The following TYR variants were observed in gnomAD, a reference collection of about 807,000 sequenced individuals.
TYR encodes tyrosinase, also known as LB24-AB.
In TYR, 58 loss-of-function variants were observed where a neutral mutation model predicts 51.5. The observed-to-expected ratio is 1.13, with a 90% confidence interval of 0.91 to 1.40. The LOEUF (loss-of-function observed/expected upper bound fraction) is 1.40, where lower values mean the gene tolerates loss of function less well. Among genes scored for constraint, TYR ranks in the 40% most tolerant of loss-of-function variants. TYR has a pLI of 0.00. For missense variants in TYR, 732 were observed against 647.4 expected, an observed-to-expected ratio of 1.13 and a Z score of -1.42; for synonymous variants, 263 against 235.2, an observed-to-expected ratio of 1.12 and a Z score of -1.08.
chr11:89,226,172 T>C (rs931143260), intron 2 of TYR, among the ~76,000 whole-genome samples: 5 of 152,132 alleles, frequency 3.3e-5, no homozygotes, highest in African/African-American at 1.2e-4. Flanking sequence ...CTCAGTGACA[T>C]GATTTATTGC....
At chr11:89,255,007 G>A (rs1987513) in intron 3 of TYR, among the ~76,000 whole-genome samples, 1,737 of 151,740 alleles carry the variant, frequency 0.011, 33 homozygotes, top group African/African-American at 0.039. Context: ...TTGATAGGTC[G>A]TGTCACTATT....
chr11:89,290,508 A>G lies in TYR; in HGVS notation c.1367-4635A>G, dbSNP rs186811806. 4.0e-3 allele frequency among the ~76,000 whole-genome samples: 616 copies of G among 152,146 alleles called. 6 individuals are homozygous for G. The highest frequency in any genetic ancestry group is 0.014 in the African/African-American group (588 of 41,544). On this transcript the variant is annotated intron_variant, in intron 4 of 4. Transcript: ENST00000263321. Reference sequence around the variant, plus strand: ...TTTGGACATTTTAAATGTACTATGTATTGAAGCCACTAACAGCAATTTAAG... The same window carrying G: ...TTTGGACATTTTAAATGTACTATGTGTTGAAGCCACTAACAGCAATTTAAG...
intron 3 of TYR, among the ~76,000 whole-genome samples, chr11:89,282,630 G>A (rs183920505): frequency 9.1e-4 from 138 of 151,844 alleles, no homozygotes; most frequent in South Asian, 2.3e-3. Context: ...AAAAGGACTA[G>A]TTTATAAAAT....
chr11:89,244,326 G>T (rs1944237305), intron 3 of TYR, among the ~76,000 whole-genome samples: 1 of 151,550 alleles, frequency 6.6e-6, no homozygotes, highest in African/African-American at 2.4e-5. Context: ...TTGAGCTCCA[G>T]GTCCTGCATT....
intron 3 of TYR, among the ~76,000 whole-genome samples, chr11:89,259,118 A>C (rs1379923032): frequency 1.3e-5 from 2 of 152,076 alleles, no homozygotes; most frequent in African/African-American, 4.8e-5. Flanking sequence ...TGGGTTGAGA[A>C]CCATTGCATT....
chr11:89,244,429 T>A (rs1486729555), intron 3 of TYR, among the ~76,000 whole-genome samples: 1 of 152,188 alleles, frequency 6.6e-6, no homozygotes, highest in Non-Finnish European at 1.5e-5. Context: ...GAGAACCATG[T>A]ATTCAATGGC....
intron 3 of TYR, among the ~76,000 whole-genome samples, chr11:89,228,922 C>T (rs11018542): frequency 0.08 from 12,177 of 152,044 alleles, 558 homozygotes; most frequent in South Asian, 0.15. Context: ...CTGACAAATG[C>T]TATGGAGTGT....
Position 89,233,601 on chromosome 11 carries a change from T to C in TYR, c.1184+5631T>C, listed in dbSNP as rs541839769. On this transcript the variant is annotated intron_variant, in intron 3 of 4. Transcript: ENST00000263321. ...AATAAGATTTGAAAGTCCAGATTACTCTCTGATCCATGGGCTGCAACATAG... is the reference window on the plus strand; with the variant it reads ...AATAAGATTTGAAAGTCCAGATTACCCTCTGATCCATGGGCTGCAACATAG... 4.9e-5 allele frequency among the ~76,000 whole-genome samples: 7 copies of C among 141,960 alleles called. 1 individual carries two copies. The highest frequency in any genetic ancestry group is 2.0e-4 in the African/African-American group (7 of 35,788). 93.1% of individuals were successfully genotyped at this position (141,960 alleles called of 152,430 possible).
chr11:89,276,328 G>A (rs1321702823), intron 3 of TYR, among the ~76,000 whole-genome samples: 1 of 151,740 alleles, frequency 6.6e-6, no homozygotes, highest in Non-Finnish European at 1.5e-5. Flanking sequence ...TCCTCCATCT[G>A]CATCGCTTAA....
At chr11:89,269,077 T>C (rs1944559454) in intron 3 of TYR, among the ~76,000 whole-genome samples, 1 of 151,978 alleles carries the variant, frequency 6.6e-6, no homozygotes, top group Admixed American at 6.6e-5. Context: ...TCAATGAGGA[T>C]AGGGACTATG....
chr11:89,220,144 T>TAAA (rs34422026), intron 2 of TYR, among the ~76,000 whole-genome samples: 5 of 149,498 alleles, frequency 3.3e-5, no homozygotes, highest in African/African-American at 7.4e-5. Context: ...ACTAGGTAAT[T>TAAA]AAAAAAAAAA....
intron 3 of TYR, among the ~76,000 whole-genome samples, chr11:89,275,405 G>A (rs754783414): frequency 6.6e-6 from 1 of 151,890 alleles, no homozygotes; most frequent in Non-Finnish European, 1.5e-5. Flanking sequence ...TCTGGTCCTA[G>A]CTCTGCCACC....
At chr11:89,238,065 A>C (rs990398763) in intron 3 of TYR, among the ~76,000 whole-genome samples, 2 of 151,976 alleles carry the variant, frequency 1.3e-5, no homozygotes, top group Non-Finnish European at 2.9e-5. Flanking sequence ...CGAACTCCTG[A>C]CCTCAAGTGA....
At chr11:89,289,677 A>C (rs1944834593) in intron 4 of TYR, among the ~76,000 whole-genome samples, 1 of 152,062 alleles carries the variant, frequency 6.6e-6, no homozygotes, top group South Asian at 2.1e-4. Context: ...AGATAAAACA[A>C]GTAAGACATA....
intron 3 of TYR, among the ~76,000 whole-genome samples, chr11:89,281,477 C>A (rs1590899480): frequency 6.6e-6 from 1 of 151,686 alleles, no homozygotes; most frequent in Non-Finnish European, 1.5e-5. Context: ...CAGCAGCACC[C>A]AGGAATTTCC....
intron 2 of TYR, among the ~76,000 whole-genome samples, chr11:89,206,330 AAGTT>A (rs1943672126): frequency 6.6e-6 from 1 of 152,252 alleles, no homozygotes; most frequent in South Asian, 2.1e-4. Context: ...AATCAAAACA[AAGTT>A]AAAGTGGCTA....
At chr11:89,224,245 A>G (rs1039698107) in intron 2 of TYR, among the ~76,000 whole-genome samples, 7 of 152,152 alleles carry the variant, frequency 4.6e-5, no homozygotes, top group African/African-American at 1.7e-4. Context: ...TAGAAATACT[A>G]GTTACTACTC....
rs542168457 is a variant in TYR at position 89,206,042 on chromosome 11, T to A, written c.1036+14624T>A. 1.1e-4 allele frequency among the ~76,000 whole-genome samples: 16 copies of A among 152,030 alleles called. 1 individual carries two copies. The East Asian group carries it at 2.5e-3, about 24-fold the overall frequency. ...AAAGAAATACATTCAAAAAACTTGA[T>A]AAATAAAAATGGAATTTGTAAACAT... On this transcript the variant is annotated intron_variant, in intron 2 of 4. Transcript: ENST00000263321.
chr11:89,206,404 C>T (rs1943672953), intron 2 of TYR, among the ~76,000 whole-genome samples: 1 of 151,950 alleles, frequency 6.6e-6, no homozygotes, highest in African/African-American at 2.4e-5. Context: ...AAGAGAGGCA[C>T]ATTTTATCAA....
Sources: gnomAD v4.1 joint callset for allele counts (sites outside exome capture counted in the v4.1 genomes callset) on GRCh38, gnomAD v4.1.1 for gene constraint, MANE v1.5 for transcripts, NCBI Gene and HGNC (gene_info 2026-07-23, HGNC 2026-07-21) for gene names.